Variants in SOX5 observed in about 807,000 individuals in gnomAD.
SOX5 encodes SRY-box transcription factor 5.
A neutral mutation model predicts 92.0 loss-of-function variants in SOX5; 9 were observed. That is an observed-to-expected ratio of 0.10 (90% CI 0.06 to 0.17). The LOEUF is 0.17. Ranked by LOEUF, SOX5 falls within the 10% of genes least tolerant of loss-of-function variation. The pLI, the probability that SOX5 is intolerant of heterozygous loss-of-function variation, is 1.00. For missense variants in SOX5, 642 were observed against 944.5 expected (o/e 0.68, Z 4.20); for synonymous variants, 344 against 336.3 (o/e 1.02, Z -0.25).
At chr12:23,715,272 C>T (rs2092405518) in intron 6 of SOX5, among the ~76,000 whole-genome samples, 1 of 143,466 alleles carries the variant, frequency 7.0e-6, no homozygotes, top group Admixed American at 6.8e-5. Flanking sequence ...GCAGTCCAGC[C>T]TGGGGGAAAG....
At chr12:23,723,529 T>A (rs1033334308) in intron 6 of SOX5, among the ~76,000 whole-genome samples, 4 of 150,620 alleles carry the variant, frequency 2.7e-5, no homozygotes, top group African/African-American at 9.7e-5. Context: ...ATTAAAAAGG[T>A]ATTCAGAACT....
intron 3 of SOX5, among the ~76,000 whole-genome samples, chr12:23,803,423 C>T (rs2095700653): frequency 6.6e-6 from 1 of 152,216 alleles, no homozygotes; most frequent in African/African-American, 2.4e-5. Context: ...TCACCAAGTC[C>T]CATTAATTTT....
chr12:24,414,195 G>A (rs1340861690), intron 1 of SOX5, among the ~76,000 whole-genome samples: 1 of 152,134 alleles, frequency 6.6e-6, no homozygotes, highest in East Asian at 1.9e-4. Context: ...TCTCTGAAAT[G>A]TATCCCAGTA....
At chr12:23,796,763 T>C (rs574631614) in intron 3 of SOX5, among the ~76,000 whole-genome samples, 6 of 151,566 alleles carry the variant, frequency 4.0e-5, no homozygotes, top group Non-Finnish European at 8.8e-5. Flanking sequence ...TGATTTCCAT[T>C]CTAATATAGT....
intron 1 of SOX5, among the ~76,000 whole-genome samples, chr12:23,907,124 AG>A (rs1172966452): frequency 6.6e-6 from 1 of 152,092 alleles, no homozygotes; most frequent in Non-Finnish European, 1.5e-5. Context: ...TAAACCTGTC[AG>A]GCCTAAGTTT....
intron 4 of SOX5, among the ~76,000 whole-genome samples, chr12:23,979,902 T>TGGCC (rs1949378132): frequency 1.5e-5 from 2 of 130,994 alleles, no homozygotes; most frequent in Admixed American, 7.4e-5. Flanking sequence ...GCTGGCTGGC[T>TGGCC]GGCTGGCTGG....
chr12:23,675,404 A>C (rs1377996141), intron 6 of SOX5, among the ~76,000 whole-genome samples: 1 of 152,174 alleles, frequency 6.6e-6, no homozygotes, highest in Non-Finnish European at 1.5e-5. Context: ...CAAGCCTACA[A>C]GGTCAACTAA....
intron 3 of SOX5, among the ~76,000 whole-genome samples, chr12:24,261,725 T>C (rs892461841): frequency 1.3e-5 from 2 of 152,228 alleles, no homozygotes; most frequent in African/African-American, 4.8e-5. Context: ...GTTTTTTCTG[T>C]CTCTGCACCT....
At chr12:24,149,263 A>G (rs1209196022) in intron 4 of SOX5, among the ~76,000 whole-genome samples, 6 of 152,172 alleles carry the variant, frequency 3.9e-5, no homozygotes, top group Non-Finnish European at 7.4e-5. Context: ...AAAAAGCATA[A>G]ATAGTCAAGA....
intron 2 of SOX5, among the ~76,000 whole-genome samples, chr12:24,323,042 T>C (rs1950350839): frequency 1.3e-5 from 2 of 152,052 alleles, no homozygotes; most frequent in Admixed American, 1.3e-4. Context: ...CTTATCTAAG[T>C]GTGGTCTCTG....
chr12:24,084,821 CAT>C (rs1943773178), intron 4 of SOX5, among the ~76,000 whole-genome samples: 1 of 152,100 alleles, frequency 6.6e-6, no homozygotes, highest in African/African-American at 2.4e-5. Flanking sequence ...CCTATCACTA[CAT>C]GTTTTACATT....
At chr12:24,465,169 TG>T in intron 1 of SOX5, among the ~76,000 whole-genome samples, 1 of 152,330 alleles carries the variant, frequency 6.6e-6, no homozygotes, top group South Asian at 2.1e-4. Context: ...ATGGGAAAAC[TG>T]AAGTTCAGAT....
intron 9 of SOX5, among the ~76,000 whole-genome samples, chr12:23,583,846 T>G (rs991684848): frequency 6.6e-6 from 1 of 152,170 alleles, no homozygotes; most frequent in Admixed American, 6.6e-5. Context: ...ACAAAGCATT[T>G]GTCATTGTTG....
chr12:24,360,695 C>T (rs775029581), intron 2 of SOX5, among the ~76,000 whole-genome samples: 12 of 152,118 alleles, frequency 7.9e-5, no homozygotes, highest in Non-Finnish European at 1.8e-4. Flanking sequence ...TGGTTCATAG[C>T]GCAAGAGGCT....
rs548528989 is a variant in SOX5 at position 24,027,909 on chromosome 12, G to A, written c.-1-131885C>T. On this transcript the variant is annotated intron_variant, in intron 4 of 4. Coordinates refer to the SOX5 transcript ENST00000446891. ...TTTTCCCCTCACACCACAAGTCCAC[G>A]AAAAACATCTTTAACAAGTTAGCAG... Among the ~76,000 whole-genome samples, 14 of 151,958 alleles carry A rather than the reference G, an allele frequency of 9.2e-5. No homozygotes were observed. In the South Asian group the frequency reaches 2.7e-3, roughly 29 times the overall value.
intron 13 of SOX5, among the ~76,000 whole-genome samples, chr12:23,542,728 G>A (rs1591903166): frequency 6.6e-6 from 1 of 152,098 alleles, no homozygotes; most frequent in East Asian, 1.9e-4. Context: ...TATAGCACTG[G>A]AACAAACATC....
At chr12:24,225,265 C>T (rs1221813114) in intron 3 of SOX5, among the ~76,000 whole-genome samples, 2 of 152,154 alleles carry the variant, frequency 1.3e-5, no homozygotes, top group African/African-American at 4.8e-5. Flanking sequence ...GCTTGCCTAC[C>T]AGTAATTTTC....
At chr12:23,946,673 C>T (rs938133008) in intron 1 of SOX5, among the ~76,000 whole-genome samples, 2 of 151,828 alleles carry the variant, frequency 1.3e-5, no homozygotes, top group African/African-American at 4.8e-5. Flanking sequence ...TCTAATGATG[C>T]TATTACTCAC....
intron 2 of SOX5, among the ~76,000 whole-genome samples, chr12:24,282,326 GTGCACA>G (rs1341488197): frequency 4.6e-5 from 7 of 151,836 alleles, no homozygotes; most frequent in Non-Finnish European, 7.4e-5. Context: ...CCTGCACGTT[GTGCACA>G]TGTACCCTAA....
Sources: gnomAD v4.1 joint callset for allele counts (sites outside exome capture counted in the v4.1 genomes callset) on GRCh38, gnomAD v4.1.1 for gene constraint, MANE v1.5 for transcripts, NCBI Gene and HGNC (gene_info 2026-07-23, HGNC 2026-07-21) for gene names.